The following SLC2A9 variants were observed in gnomAD, a reference collection of about 807,000 sequenced individuals.
SLC2A9 encodes the protein solute carrier family 2, facilitated glucose transporter member 9.
A neutral mutation model predicts 50.6 loss-of-function variants in SLC2A9; 39 were observed. That is an observed-to-expected ratio of 0.77 (90% CI 0.60 to 1.01). The LOEUF (loss-of-function observed/expected upper bound fraction) is 1.01, where lower values mean the gene tolerates loss of function less well. Ranked by LOEUF, SLC2A9 falls within the 50% of genes least tolerant of loss-of-function variation. SLC2A9 has a pLI of 0.00. For synonymous variants in SLC2A9, 324 were observed against 276.9 expected (o/e 1.17, Z -1.69); for missense variants, 686 against 677.6 (o/e 1.01, Z -0.14).
At position 10,019,127 on chromosome 4, in the gene SLC2A9, G is replaced by A. The variant is rs1763169278; in HGVS notation, c.151-54C>T. The A allele has an allele frequency of 3.1e-5, 45 of 1,443,474 alleles. No homozygotes were observed. In the South Asian group the frequency reaches 4.9e-4, roughly 16 times the overall value. 89.4% of individuals were successfully genotyped at this position (1,443,474 alleles called of 1,614,324 possible). On this transcript the variant is annotated intron_variant, in intron 1 of 11. Coordinates refer to ENST00000264784, the MANE Select transcript of SLC2A9 (RefSeq NM_020041.3). ...CGGCACCGGGCGCGCAGCCAGGGCCGAGGGAAGACCTGGAACGTTCCCTCA... is the reference window on the plus strand; with the variant it reads ...CGGCACCGGGCGCGCAGCCAGGGCCAAGGGAAGACCTGGAACGTTCCCTCA...
At chr4:9,920,631 T>A in intron 6 of SLC2A9, 59 bp from the exon 7 acceptor site, 1 of 1,604,856 alleles carries the variant, frequency 6.2e-7, no homozygotes, top group Non-Finnish European at 8.5e-7. Flanking sequence ...TCATGTCTAA[T>A]GCTGGGCCCT....
intron 10 of SLC2A9, among the ~76,000 whole-genome samples, chr4:9,843,360 AAG>A (rs1432397469): frequency 1.3e-5 from 2 of 152,188 alleles, no homozygotes; most frequent in African/African-American, 4.8e-5. Flanking sequence ...ATATACACCT[AAG>A]TACTAGTTTC....
intron 3 of SLC2A9, among the ~76,000 whole-genome samples, chr4:9,791,060 C>A (rs981599767): frequency 5.3e-5 from 8 of 152,142 alleles, no homozygotes; most frequent in African/African-American, 1.9e-4. Context: ...GCAGCTGTGA[C>A]TAGAAAGTCC....
intron 3 of SLC2A9, chr4:9,781,870 C>T (rs537286412): frequency 5.2e-6 from 3 of 574,450 alleles, no homozygotes; most frequent in East Asian, 3.2e-5. Flanking sequence ...GAAGTCCCCG[C>T]GCGCTCCGCA....
intron 10 of SLC2A9, among the ~76,000 whole-genome samples, chr4:9,838,255 G>T (rs1345956967): frequency 6.6e-6 from 1 of 152,178 alleles, no homozygotes; most frequent in Non-Finnish European, 1.5e-5. Context: ...TGGTGCTTCT[G>T]TAGCTGCTGG....
At chr4:9,997,045 A>G in intron 2 of SLC2A9, 104 bp from the exon 3 acceptor site, 1 of 1,330,406 alleles carries the variant, frequency 7.5e-7, no homozygotes, top group Non-Finnish European at 1.1e-6. Context: ...ATTTTCATGC[A>G]TAGCACTTTG....
intron 8 of SLC2A9, among the ~76,000 whole-genome samples, chr4:9,898,562 G>T (rs536779360): frequency 6.6e-6 from 1 of 152,232 alleles, no homozygotes; most frequent in East Asian, 1.9e-4. Context: ...GGACTACAGC[G>T]TCCTACATGA....
chr4:10,016,576 C>T (rs989147581), intron 2 of SLC2A9, among the ~76,000 whole-genome samples: 2 of 112,352 alleles, frequency 1.8e-5, no homozygotes, highest in Non-Finnish European at 4.0e-5. Flanking sequence ...TCTCCTTTCC[C>T]GAAACGGAGG....
intron 4 of SLC2A9, among the ~76,000 whole-genome samples, chr4:9,983,374 C>T (rs1756205957): frequency 6.6e-6 from 1 of 152,192 alleles, no homozygotes; most frequent in Non-Finnish European, 1.5e-5. Context: ...CAAAGGGACA[C>T]CAGCAAACGT....
chr4:9,964,053 G>T (rs780846968), intron 5 of SLC2A9, among the ~76,000 whole-genome samples: 1 of 152,204 alleles, frequency 6.6e-6, no homozygotes, highest in Admixed American at 6.5e-5. Context: ...ATCCTGGGAG[G>T]TCTAAACCCT....
chr4:10,028,659 G>C (rs995904635), intron 1 of SLC2A9, among the ~76,000 whole-genome samples: 4 of 152,144 alleles, frequency 2.6e-5, no homozygotes, highest in Non-Finnish European at 5.9e-5. Context: ...GAAGGGGGGC[G>C]GTTACTTACC....
intron 11 of SLC2A9, among the ~76,000 whole-genome samples, chr4:9,828,721 G>A (rs971712915): frequency 3.9e-5 from 6 of 152,202 alleles, no homozygotes; most frequent in South Asian, 2.1e-4. Context: ...AGAGGTTCTC[G>A]TTGACTCTCA....
chr4:9,789,159 C>G (rs1577284455), intron 3 of SLC2A9, among the ~76,000 whole-genome samples: 1 of 152,308 alleles, frequency 6.6e-6, no homozygotes, highest in South Asian at 2.1e-4. Flanking sequence ...ACCATCACCT[C>G]TCGTTCAAAT....
intron 10 of SLC2A9, among the ~76,000 whole-genome samples, chr4:9,864,584 T>G (rs1732149063): frequency 6.6e-6 from 1 of 152,198 alleles, no homozygotes; most frequent in East Asian, 1.9e-4. Flanking sequence ...ATCTTCATAC[T>G]ATAGATGGGA....
chr4:9,834,293 T>TGCCTAGAAAAGTGCTTTGTTACCACTG (rs1726672233), intron 11 of SLC2A9, among the ~76,000 whole-genome samples: 1 of 152,218 alleles, frequency 6.6e-6, no homozygotes, highest in African/African-American at 2.4e-5. Flanking sequence ...TACCACTGTA[T>TGCCTAGAAAAGTGCTTTGTTACCACTG]CCTCATTGCC....
chr4:9,859,030 G>A (rs576414438), intron 10 of SLC2A9, among the ~76,000 whole-genome samples: 62 of 152,304 alleles, frequency 4.1e-4, no homozygotes, highest in Admixed American at 3.6e-3. Flanking sequence ...TGGTTTGCCA[G>A]GGACTCTCGG....
chr4:9,804,923 C>T (rs1190994685), intron 3 of SLC2A9, among the ~76,000 whole-genome samples: 3 of 152,116 alleles, frequency 2.0e-5, no homozygotes, highest in Admixed American at 6.5e-5. Flanking sequence ...GTGGGGACAG[C>T]CCTGTTGTTA....
At chr4:9,880,415 T>C (rs1735004611) in intron 10 of SLC2A9, 4 of 985,228 alleles carry the variant, frequency 4.1e-6, no homozygotes, top group Non-Finnish European at 4.8e-6. Context: ...GGGAGTCCCA[T>C]AGACACTGAT....
chr4:9,884,666 T>C (rs1735847522), intron 10 of SLC2A9, among the ~76,000 whole-genome samples: 2 of 152,178 alleles, frequency 1.3e-5, no homozygotes, highest in African/African-American at 4.8e-5. Context: ...ATCCCATTAC[T>C]TAGTATATAC....
Sources: allele counts gnomAD v4.1 joint callset (sites outside exome capture counted in the v4.1 genomes callset), GRCh38; gene constraint gnomAD v4.1.1; transcripts MANE v1.5; gene names NCBI Gene and HGNC (gene_info 2026-07-23, HGNC 2026-07-21).